HAUS4: variants seen among roughly 807,000 people sequenced by gnomAD.
The protein encoded by HAUS4 is HAUS augmin-like complex subunit 4.
A neutral mutation model predicts 50.6 loss-of-function variants in HAUS4; 34 were observed. That is an observed-to-expected ratio of 0.67 (90% CI 0.51 to 0.90). The LOEUF (loss-of-function observed/expected upper bound fraction) is 0.90. HAUS4 is among the 40% of genes least tolerant of loss of function. The probability of loss-of-function intolerance (pLI) is 0.00; values close to 1 mark genes in which losing one functional copy is unlikely to be tolerated. For synonymous variants in HAUS4, 149 were observed against 161.4 expected, an observed-to-expected ratio of 0.92 and a Z score of 0.58; for missense variants, 370 against 428.7, an observed-to-expected ratio of 0.86 and a Z score of 1.21.
In HAUS4 at chr14:22,950,421, A is replaced by T. The variant is rs1338558420; in HGVS notation, c.466-11T>A. 1.3e-6 allele frequency: 2 copies of T among 1,555,868 alleles called. No individual in the cohort carries two copies. The highest frequency in any genetic ancestry group is 2.7e-5 in the African/African-American group (2 of 73,832). ...CATCCACACAAAATCCTACAGTCAT[A>T]GAAGTAAAGGCAGAAATGCGAATAG... On this transcript the variant is annotated splice_polypyrimidine_tract_variant and intron_variant, in intron 5 of 9. Coordinates refer to ENST00000541587, the MANE Select transcript of HAUS4 (RefSeq NM_001166269.2).
chr14:22,950,584 A>G (rs894107674), intron 5 of HAUS4, among the ~76,000 whole-genome samples, 174 bp from the exon 6 acceptor site: 1 of 152,112 alleles, frequency 6.6e-6, no homozygotes, highest in Non-Finnish European at 1.5e-5. Flanking sequence ...GACTGTCAAG[A>G]CCCCATGTTG....
chr14:22,949,008 T>C (rs963577689), intron 6 of HAUS4, among the ~76,000 whole-genome samples: 8 of 150,476 alleles, frequency 5.3e-5, no homozygotes, highest in Non-Finnish European at 1.5e-5. Flanking sequence ...TACAAAAAAA[T>C]TAGCTGGGCA....
chr14:22,947,465 G>C, intron 8 of HAUS4, 136 bp downstream of exon 8: 4 of 974,692 alleles, frequency 4.1e-6, no homozygotes, highest in Non-Finnish European at 6.1e-6. Flanking sequence ...TAATCCAAAA[G>C]CTAATACTGC....
chr14:22,948,836 G>A (rs946595093), intron 6 of HAUS4, among the ~76,000 whole-genome samples: 3 of 151,304 alleles, frequency 2.0e-5, no homozygotes, highest in African/African-American at 4.8e-5. Flanking sequence ...CGCCCGGCCC[G>A]GACCTTAATT....
At position 22,951,585 on chromosome 14, in the gene HAUS4, C is replaced by T. The variant is rs200738707; in HGVS notation, c.435G>A (p.Ala145=). 8.6e-5 allele frequency: 139 copies of T among 1,614,004 alleles called. No homozygotes were observed. The highest frequency in any genetic ancestry group is 6.7e-5 in the African/African-American group (5 of 75,016). Residue 145 remains alanine (A), a synonymous_variant, in exon 5 of 10, where the codon GCG becomes GCA. Coordinates refer to ENST00000541587, the MANE Select transcript of HAUS4 (RefSeq NM_001166269.2). ...AGAGTGGCATGAGTTCCAGAAGGTC[C>T]GCTTTCTCCAGCCCCAGCAGTGGAG... is the stretch of plus-strand genomic sequence containing the variant. ...EIPPLLGLEK[A]DLLELMPLSE... is the part of the protein sequence containing the mutation.
At chr14:22,948,660 C>A (rs2044691353) in intron 6 of HAUS4, among the ~76,000 whole-genome samples, 1 of 150,804 alleles carries the variant, frequency 6.6e-6, no homozygotes, top group Admixed American at 6.6e-5. Context: ...CTCAGCCTCC[C>A]AAGTAGCTGG....
chr14:22,952,604 C>G lies in HAUS4; in HGVS notation c.135G>C (p.Leu45=). ...LQNPYFSKLL[L]NLSQHVDESG... is the part of the protein sequence containing the mutation. ...TCTCATCCACATGCTGTGAGAGATT[C>G]AGGAGAAGCTTGCTGAAGTATGGGT... Residue 45 remains leucine (L), a synonymous_variant, in exon 3 of 10, where the codon CTG becomes CTC. Coordinates refer to ENST00000541587, the MANE Select transcript of HAUS4 (RefSeq NM_001166269.2). The G allele has an allele frequency of 1.2e-6, 2 of 1,613,974 alleles. No homozygotes were observed. The highest frequency in any genetic ancestry group is 1.7e-6 in the Non-Finnish European group (2 of 1,179,956).
Position 22,946,508 on chromosome 14 carries a change from C to G in HAUS4, c.*17G>C, listed in dbSNP as rs756218278. ...CAGCAGCTATGCAGAAGCCATGTCT[C>G]CTGGCCCTGCCAGAGCTCAACGGTA... On this transcript the variant is annotated 3_prime_UTR_variant, in exon 10 of 10. Coordinates refer to ENST00000541587, the MANE Select transcript of HAUS4 (RefSeq NM_001166269.2). 6.2e-7 allele frequency: 1 copy of G among 1,604,682 alleles called. No individual in the cohort carries two copies. Among genetic ancestry groups the G allele is most frequent in the Non-Finnish European group, 8.5e-7 (1 of 1,174,230 alleles).
chr14:22,947,849 G>C lies in HAUS4; in HGVS notation c.708+19C>G, dbSNP rs758457334. On this transcript the variant is annotated intron_variant, in intron 7 of 9. Coordinates refer to ENST00000541587, the MANE Select transcript of HAUS4 (RefSeq NM_001166269.2). ...GGGGTCAGGATAAAGGAAAGGGGCT[G>C]TCCCATGCCCTGATAAACCTGGGAG... is the stretch of plus-strand genomic sequence containing the variant. The C allele has an allele frequency of 6.2e-7, 1 of 1,611,318 alleles. No homozygotes were observed.
intron 3 of HAUS4, 25 bp downstream of exon 3, chr14:22,952,516 T>G: frequency 6.2e-7 from 1 of 1,613,026 alleles, no homozygotes; most frequent in Non-Finnish European, 8.5e-7. Context: ...TCCCTTCTTC[T>G]TATCTCTTCT....
chr14:22,955,194 G>A lies in HAUS4; in HGVS notation c.-22-18C>T, dbSNP rs1416892947. Reference sequence around the variant, plus strand: ...ATTCTAATCTGTGGAACCAAGAAGTGAAAGAAAACAAAAAGATGAATAAAC... The same window carrying A: ...ATTCTAATCTGTGGAACCAAGAAGTAAAAGAAAACAAAAAGATGAATAAAC... On this transcript the variant is annotated intron_variant, in intron 1 of 9. Transcript: ENST00000541587. 6.8e-7 allele frequency: 1 copy of A among 1,460,770 alleles called. No homozygotes were observed. The highest frequency in any genetic ancestry group is 9.6e-7 in the Non-Finnish European group (1 of 1,040,092). 90.5% of individuals were successfully genotyped at this position (1,460,770 alleles called of 1,614,324 possible).
chr14:22,949,359 C>T (rs2044707637), intron 6 of HAUS4, among the ~76,000 whole-genome samples: 1 of 151,472 alleles, frequency 6.6e-6, no homozygotes. Flanking sequence ...GAAACCCCGT[C>T]TCTACTAAAA....
chr14:22,947,293 G>T, intron 8 of HAUS4, 54 bp from the exon 9 acceptor site: 1 of 1,209,910 alleles, frequency 8.3e-7, no homozygotes, highest in Non-Finnish European at 1.2e-6. Context: ...ATAGCAGCAG[G>T]GTTGGGAATG....
rs763403153 is a variant in HAUS4 at position 22,950,399 on chromosome 14, C to G, written c.477G>C (p.Trp159Cys). 13 of 1,609,462 alleles carry G rather than the reference C, an allele frequency of 8.1e-6. No homozygotes were observed. In the East Asian group the frequency reaches 2.7e-4, roughly 33 times the overall value. Reference sequence around the variant, plus strand: ...CTTCTTGCTGTAGCCGAGCCCTCATCCACACAAAATCCTACAGTCATAGAA... The same window carrying G: ...CTTCTTGCTGTAGCCGAGCCCTCATGCACACAAAATCCTACAGTCATAGAA... ...ELMPLSEDFVWMRARLQQEVE... is the reference protein window; with the variant it reads ...ELMPLSEDFVCMRARLQQEVE... The change falls in exon 6 of 10, where the codon TGG becomes TGC. Residue 159 changes from tryptophan (W) to cysteine (C), a missense_variant. Trp to Cys is a radical substitution (Grantham distance 215, BLOSUM62 -2). Transcript: ENST00000541587.
intron 5 of HAUS4, among the ~76,000 whole-genome samples, chr14:22,950,848 T>C (rs1766190001): frequency 6.6e-6 from 1 of 152,198 alleles, no homozygotes; most frequent in Admixed American, 6.5e-5. Context: ...TCTACATCCA[T>C]ATAATAGAAT....
chr14:22,947,912 C>T lies in HAUS4; in HGVS notation c.664G>A (p.Glu222Lys). 1 of 1,614,130 alleles carries T rather than the reference C, an allele frequency of 6.2e-7. No individual in the cohort carries two copies. Among genetic ancestry groups the T allele is most frequent in the South Asian group, 1.1e-5 (1 of 91,082 alleles). The change falls in exon 7 of 10, where the codon GAG becomes AAG. Residue 222 changes from glutamate (E) to lysine (K), a missense_variant. Coordinates refer to ENST00000541587, the MANE Select transcript of HAUS4 (RefSeq NM_001166269.2). ...TTCTTCTCCAGCAGCAACATCTGCT[C>T]CTTCTGCTGGCTCTTGGCATCCTGG... ...QCQDAKSQQK[E>K]QMLLLEKKSA...
intron 2 of HAUS4, among the ~76,000 whole-genome samples, chr14:22,954,052 G>C (rs1232191618): frequency 8.5e-5 from 13 of 152,162 alleles, no homozygotes; most frequent in Non-Finnish European, 1.8e-4. Flanking sequence ...ACAGGCATGA[G>C]CCACCACACC....
At chr14:22,950,861 T>C (rs1361171849) in intron 5 of HAUS4, among the ~76,000 whole-genome samples, 2 of 152,246 alleles carry the variant, frequency 1.3e-5, no homozygotes, top group African/African-American at 4.8e-5. Context: ...AATAGAATCC[T>C]AGCAGAGATT....
chr14:22,946,715 G>A lies in HAUS4; in HGVS notation c.909-7C>T. The A allele has an allele frequency of 6.3e-7, 1 of 1,596,894 alleles. No individual in the cohort carries two copies. The highest frequency in any genetic ancestry group is 8.5e-7 in the Non-Finnish European group (1 of 1,171,130). On this transcript the variant is annotated splice_region_variant and splice_polypyrimidine_tract_variant and intron_variant, in intron 9 of 9. Transcript: ENST00000541587. ...GGCTCCCTCCAAACGGTCCCTAAGA[G>A]CCCGGGCAGAGAAGGCACAATATAA...
Sources: allele counts gnomAD v4.1 joint callset (sites outside exome capture counted in the v4.1 genomes callset), GRCh38; gene constraint gnomAD v4.1.1; transcripts MANE v1.5; gene names NCBI Gene and HGNC (gene_info 2026-07-23, HGNC 2026-07-21).